Variants in KSR2 observed in about 807,000 individuals in gnomAD.
KSR2 encodes kinase suppressor of ras 2.
Under a neutral mutation model 107.8 loss-of-function variants are expected in KSR2, and 25 were observed. The observed-to-expected ratio is 0.23, with a 90% confidence interval of 0.17 to 0.32. The LOEUF is 0.32. Among genes scored for constraint, KSR2 ranks in the 10% least tolerant of loss-of-function variants. The probability of loss-of-function intolerance (pLI) is 1.00; values close to 1 mark genes in which losing one functional copy is unlikely to be tolerated. For synonymous variants in KSR2, 480 were observed against 507.0 expected, an observed-to-expected ratio of 0.95 and a Z score of 0.71; for missense variants, 887 against 1,268.9, an observed-to-expected ratio of 0.70 and a Z score of 4.57.
At position 117,739,128 on chromosome 12, in the gene KSR2, G is replaced by A. The variant is rs1293176736; in HGVS notation, c.986+21883C>T. On this transcript the variant is annotated intron_variant, in intron 4 of 19. Transcript: ENST00000339824. The stretch of plus-strand genomic sequence containing the variant: ...CCCAGCACTTTTGGAGGCCAAGGTG[G>A]GCAGATCACGAGGTCAGGAGACTGA... Among the ~76,000 whole-genome samples, 6 of 152,280 alleles carry A rather than the reference G, an allele frequency of 3.9e-5. No homozygotes were observed. The East Asian group carries it at 9.7e-4, about 25-fold the overall frequency.
At chr12:117,509,583 T>G (rs1383294148) in intron 14 of KSR2, among the ~76,000 whole-genome samples, 3 of 152,196 alleles carry the variant, frequency 2.0e-5, no homozygotes. Flanking sequence ...CAGCCCTTGT[T>G]GCTCAGAGAG....
intron 15 of KSR2, among the ~76,000 whole-genome samples, 183 bp from the exon 16 acceptor site, chr12:117,484,732 G>A (rs371691990): frequency 2.9e-4 from 44 of 152,256 alleles, no homozygotes; most frequent in African/African-American, 1.1e-3. Flanking sequence ...CATGGCAAGC[G>A]GGAACAGGCA....
At chr12:117,816,517 T>C (rs1183048179) in intron 3 of KSR2, among the ~76,000 whole-genome samples, 3 of 152,232 alleles carry the variant, frequency 2.0e-5, no homozygotes, top group African/African-American at 7.2e-5. Flanking sequence ...TACAAGTGTC[T>C]GTGACCTGGC....
intron 4 of KSR2, among the ~76,000 whole-genome samples, chr12:117,675,708 T>C (rs17618904): frequency 0.019 from 2,930 of 152,246 alleles, 83 homozygotes; most frequent in East Asian, 0.082. Flanking sequence ...TCCTCGAGCG[T>C]GTGGGTTGTG....
chr12:117,798,129 C>A (rs1210494884), intron 3 of KSR2, among the ~76,000 whole-genome samples: 2 of 152,170 alleles, frequency 1.3e-5, no homozygotes, highest in African/African-American at 4.8e-5. Context: ...CAAATGGGAT[C>A]TTCCTACAGC....
intron 1 of KSR2, among the ~76,000 whole-genome samples, chr12:117,884,312 CATGAGA>C (rs927569815): frequency 3.5e-4 from 53 of 152,118 alleles, no homozygotes; most frequent in Admixed American, 1.6e-3. Context: ...GAAAAAGGGA[CATGAGA>C]ATGAGAATGA....
chr12:117,927,575 C>T (rs1325720969), intron 1 of KSR2, among the ~76,000 whole-genome samples: 1 of 151,870 alleles, frequency 6.6e-6, no homozygotes, highest in African/African-American at 2.4e-5. Context: ...AGCCTGTAAT[C>T]CCATTTACTC....
intron 1 of KSR2, among the ~76,000 whole-genome samples, chr12:117,903,274 C>T (rs761319847): frequency 2.0e-5 from 3 of 152,092 alleles, no homozygotes; most frequent in South Asian, 4.1e-4. Flanking sequence ...AGGGCTGGCC[C>T]ACAGCTGGCT....
At chr12:117,765,662 A>T (rs1293209006) in intron 3 of KSR2, among the ~76,000 whole-genome samples, 4 of 152,214 alleles carry the variant, frequency 2.6e-5, no homozygotes, top group African/African-American at 9.6e-5. Context: ...CAAATGAAAC[A>T]AGTAGATGAA....
In KSR2 at chr12:117,462,134, TG is replaced by T. The variant is rs1870927382; in HGVS notation, c.*5064del. 6.9e-6 allele frequency: 1 copy of T among 145,390 alleles called. No homozygotes were observed. The allele number at this position is 145,390 out of a possible 1,614,324, so 9.0% of individuals were successfully genotyped here. ...GCCTGACCTTGTAGACCAGGAATTC[TG>T]GGGAATCTATCTTCAAGGGCACCTG... On this transcript the variant is annotated 3_prime_UTR_variant, in exon 20 of 20. Coordinates refer to ENST00000339824, the MANE Select transcript of KSR2 (RefSeq NM_173598.6).
At chr12:117,965,537 A>C (rs553537913) in intron 1 of KSR2, among the ~76,000 whole-genome samples, 1 of 152,332 alleles carries the variant, frequency 6.6e-6, no homozygotes, top group African/African-American at 2.4e-5. Context: ...GTTTCTACAG[A>C]AGTGTATACA....
intron 1 of KSR2, among the ~76,000 whole-genome samples, chr12:117,948,702 T>TGC (rs1896270219): frequency 6.6e-6 from 1 of 152,162 alleles, no homozygotes; most frequent in African/African-American, 2.4e-5. Context: ...TACATTTAAA[T>TGC]GCACACACAC....
At chr12:117,530,370 T>A (rs1191979871) in intron 12 of KSR2, among the ~76,000 whole-genome samples, 1 of 152,218 alleles carries the variant, frequency 6.6e-6, no homozygotes, top group African/African-American at 2.4e-5. Context: ...CAGATTATGT[T>A]ACAACTACTC....
At chr12:117,566,273 C>T (rs983083975) in intron 7 of KSR2, among the ~76,000 whole-genome samples, 1 of 152,278 alleles carries the variant, frequency 6.6e-6, no homozygotes, top group Middle Eastern at 3.4e-3. Flanking sequence ...GAGTGCGCCA[C>T]CACGCCTGGC....
At chr12:117,779,960 T>C (rs1889828156) in intron 3 of KSR2, among the ~76,000 whole-genome samples, 1 of 152,206 alleles carries the variant, frequency 6.6e-6, no homozygotes, top group Non-Finnish European at 1.5e-5. Context: ...AGACACCTAC[T>C]TATACACCAG....
At chr12:117,823,481 A>G (rs1283720864) in intron 3 of KSR2, among the ~76,000 whole-genome samples, 1 of 152,202 alleles carries the variant, frequency 6.6e-6, no homozygotes, top group Non-Finnish European at 1.5e-5. Context: ...GGAGGCTCCC[A>G]GAGTTCCAAC....
At chr12:117,657,024 T>C (rs1000352307) in intron 5 of KSR2, among the ~76,000 whole-genome samples, 7 of 120,814 alleles carry the variant, frequency 5.8e-5, no homozygotes, top group African/African-American at 2.1e-4. Flanking sequence ...ATCCTATTAG[T>C]TCTATCCCTC....
At chr12:117,875,496 T>C (rs1361707000) in intron 1 of KSR2, among the ~76,000 whole-genome samples, 1 of 152,112 alleles carries the variant, frequency 6.6e-6, no homozygotes, top group East Asian at 1.9e-4. Flanking sequence ...CAGCCCATTT[T>C]ACACACGAGA....
At chr12:117,699,282 T>A (rs541248427) in intron 4 of KSR2, among the ~76,000 whole-genome samples, 7 of 152,360 alleles carry the variant, frequency 4.6e-5, no homozygotes, top group Non-Finnish European at 7.4e-5. Flanking sequence ...GCAGAGAGAA[T>A]TATGGTTACC....
Sources: gnomAD v4.1 joint callset for allele counts (sites outside exome capture counted in the v4.1 genomes callset) on GRCh38, gnomAD v4.1.1 for gene constraint, MANE v1.5 for transcripts, NCBI Gene and HGNC (gene_info 2026-07-23, HGNC 2026-07-21) for gene names.